The following ACBD6 variants were observed in gnomAD, a reference collection of about 807,000 sequenced individuals.
ACBD6 encodes acyl-CoA-binding domain-containing protein 6.
Under a neutral mutation model 37.2 loss-of-function variants are expected in ACBD6, and 28 were observed. The observed-to-expected ratio is 0.75, with a 90% CI of 0.56 to 1.03. ACBD6 has a LOEUF of 1.03. ACBD6 is among the 50% of genes least tolerant of loss of function. The probability of loss-of-function intolerance (pLI) is 0.00; values close to 1 mark genes in which losing one functional copy is unlikely to be tolerated. For missense variants in ACBD6, 340 were observed against 337.4 expected (o/e 1.01, Z -0.06); for synonymous variants, 113 against 126.8 (o/e 0.89, Z 0.73).
intron 3 of ACBD6, among the ~76,000 whole-genome samples, chr1:180,441,551 C>T (rs1360908412): frequency 1.3e-5 from 2 of 152,150 alleles, no homozygotes; most frequent in African/African-American, 4.8e-5. Flanking sequence ...TCTTTAATTT[C>T]TTTCGGCAAT....
chr1:180,347,162 C>A (rs1281982887), intron 6 of ACBD6, among the ~76,000 whole-genome samples: 1 of 152,042 alleles, frequency 6.6e-6, no homozygotes, highest in Non-Finnish European at 1.5e-5. Context: ...TGAAAAGTAC[C>A]TTGAAAGATA....
intron 3 of ACBD6, among the ~76,000 whole-genome samples, chr1:180,455,795 C>G (rs1317692632): frequency 6.6e-6 from 1 of 152,046 alleles, no homozygotes; most frequent in East Asian, 1.9e-4. Context: ...AAAATACCAC[C>G]ATCTTAGAAT....
chr1:180,312,879 G>T (rs76316883), intron 7 of ACBD6, among the ~76,000 whole-genome samples: 3,008 of 152,278 alleles, frequency 0.02, 101 homozygotes, highest in African/African-American at 0.067. Flanking sequence ...GAGGTACAGT[G>T]TAAGTTAAGT....
chr1:180,333,923 A>T (rs1413160735), intron 6 of ACBD6, among the ~76,000 whole-genome samples: 1 of 152,210 alleles, frequency 6.6e-6, no homozygotes, highest in Admixed American at 6.5e-5. Context: ...CATTGCTAGC[A>T]CAGCAGTCTG....
At chr1:180,489,339 CA>C (rs201452038) in intron 3 of ACBD6, among the ~76,000 whole-genome samples, 35 of 136,976 alleles carry the variant, frequency 2.6e-4, no homozygotes, top group Non-Finnish European at 2.2e-4. Flanking sequence ...AAAGTAAAGA[CA>C]AAAAAAAAAG....
intron 3 of ACBD6, among the ~76,000 whole-genome samples, chr1:180,460,708 A>G (rs572699611): frequency 6.6e-6 from 1 of 152,246 alleles, no homozygotes; most frequent in Non-Finnish European, 1.5e-5. Flanking sequence ...CCAGACTCTT[A>G]AAAAACAAAA....
At chr1:180,495,811 T>G (rs1651712749) in intron 1 of ACBD6, among the ~76,000 whole-genome samples, 1 of 152,180 alleles carries the variant, frequency 6.6e-6, no homozygotes, top group Non-Finnish European at 1.5e-5. Flanking sequence ...TAGTAGACTA[T>G]ATATAAGACA....
chr1:180,363,256 G>T (rs1652915862), intron 6 of ACBD6, among the ~76,000 whole-genome samples: 1 of 152,096 alleles, frequency 6.6e-6, no homozygotes, highest in Admixed American at 6.6e-5. Context: ...TAATTAAAAG[G>T]TTATTTTTAA....
At chr1:180,386,500 C>T (rs758417007) in intron 6 of ACBD6, among the ~76,000 whole-genome samples, 13 of 152,082 alleles carry the variant, frequency 8.5e-5, no homozygotes, top group African/African-American at 1.4e-4. Flanking sequence ...AGTAACTCTT[C>T]GAATATTTCT....
At chr1:180,410,657 G>A (rs986611556) in intron 5 of ACBD6, among the ~76,000 whole-genome samples, 2 of 149,298 alleles carry the variant, frequency 1.3e-5, no homozygotes, top group African/African-American at 5.0e-5. Flanking sequence ...GATACCCACT[G>A]CTCAGGAAAA....
intron 6 of ACBD6, among the ~76,000 whole-genome samples, chr1:180,346,488 GGA>G (rs1652185931): frequency 6.6e-6 from 1 of 152,110 alleles, no homozygotes; most frequent in African/African-American, 2.4e-5. Context: ...GAGATGGAAT[GGA>G]GAGAGCTGGC....
intron 7 of ACBD6, among the ~76,000 whole-genome samples, chr1:180,306,573 T>G (rs1350363998): frequency 6.6e-6 from 1 of 152,190 alleles, no homozygotes; most frequent in Non-Finnish European, 1.5e-5. Context: ...CTGTATGTAC[T>G]CTTTTGTGTC....
At chr1:180,432,110 A>G (rs1250825410) in intron 3 of ACBD6, among the ~76,000 whole-genome samples, 1 of 152,004 alleles carries the variant, frequency 6.6e-6, no homozygotes, top group East Asian at 1.9e-4. Context: ...AGGAGGCTGA[A>G]GCACAAGAAT....
At chr1:180,296,681 C>T (rs544734216) in intron 7 of ACBD6, among the ~76,000 whole-genome samples, 15 of 152,032 alleles carry the variant, frequency 9.9e-5, no homozygotes, top group African/African-American at 2.9e-4. Context: ...CCCGCCCACC[C>T]GGGGCTCCCA....
chr1:180,433,440 A>T (rs1648887209), intron 3 of ACBD6, among the ~76,000 whole-genome samples: 1 of 152,216 alleles, frequency 6.6e-6, no homozygotes, highest in Non-Finnish European at 1.5e-5. Flanking sequence ...CAACATACTC[A>T]GTGGTGGAAA....
At chr1:180,461,597 T>G (rs958178723) in intron 3 of ACBD6, among the ~76,000 whole-genome samples, 12 of 152,280 alleles carry the variant, frequency 7.9e-5, no homozygotes, top group African/African-American at 2.9e-4. Context: ...CAGAAGAGAT[T>G]TGAGGCCAAT....
Position 180,447,456 on chromosome 1 carries a change from T to A in ACBD6, c.385-17194A>T, listed in dbSNP as rs563592440. ...ACCACCCCACAATAGAATTTAAGAA[T>A]AAATATTATATTACTCTTGTCGATT... On this transcript the variant is annotated intron_variant, in intron 3 of 7. Transcript: ENST00000367595. Among the ~76,000 whole-genome samples, 3 of 152,308 alleles carry A rather than the reference T, an allele frequency of 2.0e-5. No homozygotes were observed. In the East Asian group the frequency reaches 5.8e-4, roughly 29 times the overall value.
intron 3 of ACBD6, among the ~76,000 whole-genome samples, chr1:180,479,503 G>C (rs1372262638): frequency 1.3e-5 from 2 of 152,060 alleles, no homozygotes; most frequent in Non-Finnish European, 2.9e-5. Flanking sequence ...GGCAAGTAGG[G>C]GGAAGAGGGG....
chr1:180,452,462 C>T (rs992731162), intron 3 of ACBD6, among the ~76,000 whole-genome samples: 1 of 151,676 alleles, frequency 6.6e-6, no homozygotes, highest in South Asian at 2.1e-4. Context: ...CAGAGTGAGA[C>T]TCCATCTCAA....
Sources: gnomAD v4.1 joint callset for allele counts (sites outside exome capture counted in the v4.1 genomes callset) on GRCh38, gnomAD v4.1.1 for gene constraint, MANE v1.5 for transcripts, NCBI Gene and HGNC (gene_info 2026-07-23, HGNC 2026-07-21) for gene names.